Variants in FHIT observed in about 807,000 individuals in gnomAD.
The protein encoded by FHIT is fragile histidine triad diadenosine triphosphatase.
Under a neutral mutation model 17.9 loss-of-function variants are expected in FHIT, and 19 were observed. That is an observed-to-expected ratio of 1.06 (90% CI 0.74 to 1.56). The LOEUF (loss-of-function observed/expected upper bound fraction) is 1.56, where lower values mean the gene tolerates loss of function less well. Ranked by LOEUF, FHIT falls within the 40% of genes most tolerant of loss-of-function variation. The pLI is 0.00. For synonymous variants in FHIT, 81 were observed against 69.7 expected, an observed-to-expected ratio of 1.16 and a Z score of -0.81; for missense variants, 248 against 189.2, an observed-to-expected ratio of 1.31 and a Z score of -1.82.
intron 5 of FHIT, among the ~76,000 whole-genome samples, chr3:60,236,062 T>C (rs1243722563): frequency 1.3e-5 from 2 of 151,938 alleles, no homozygotes; most frequent in African/African-American, 4.8e-5. Flanking sequence ...TCAAGACCCA[T>C]GAGTTTGCTG....
intron 8 of FHIT, among the ~76,000 whole-genome samples, chr3:59,858,154 C>T (rs1084008): frequency 0.18 from 27,340 of 151,412 alleles, 2,555 homozygotes; most frequent in African/African-American, 0.21. Context: ...TGTGTGACTG[C>T]TGTGAAAGGT....
intron 4 of FHIT, chr3:60,732,080 G>T: frequency 1.7e-6 from 1 of 591,944 alleles, no homozygotes; most frequent in South Asian, 1.8e-5. Context: ...AAATGGGGTG[G>T]AGGGGTAGTC....
chr3:60,471,090 T>A (rs1180193909), intron 5 of FHIT, among the ~76,000 whole-genome samples: 1 of 152,186 alleles, frequency 6.6e-6, no homozygotes, highest in African/African-American at 2.4e-5. Flanking sequence ...AGTATCCAAG[T>A]TGCAAAACAA....
intron 3 of FHIT, among the ~76,000 whole-genome samples, chr3:61,013,153 G>T (rs947647475): frequency 8.6e-5 from 13 of 151,902 alleles, no homozygotes; most frequent in African/African-American, 2.4e-5. Context: ...GTCTTTCAAG[G>T]TTCAGGGAGC....
intron 5 of FHIT, among the ~76,000 whole-genome samples, chr3:60,086,906 C>A (rs1362133446): frequency 2.0e-5 from 3 of 152,194 alleles, no homozygotes; most frequent in African/African-American, 7.2e-5. Flanking sequence ...GGTAGCTCCA[C>A]TTCCATAGCT....
chr3:61,155,734 T>C (rs900734288), intron 2 of FHIT, among the ~76,000 whole-genome samples: 19 of 152,166 alleles, frequency 1.2e-4, no homozygotes, highest in Non-Finnish European at 2.1e-4. Flanking sequence ...TTTAAAAAAG[T>C]TTGCAGGTAG....
intron 2 of FHIT, among the ~76,000 whole-genome samples, chr3:61,196,974 AG>A (rs1227761848): frequency 1.3e-5 from 2 of 152,204 alleles, no homozygotes; most frequent in Non-Finnish European, 2.9e-5. Flanking sequence ...GATAGAGGTT[AG>A]GCCCATGGTG....
chr3:60,386,660 C>G (rs1701023318), intron 5 of FHIT, among the ~76,000 whole-genome samples: 1 of 152,166 alleles, frequency 6.6e-6, no homozygotes, highest in African/African-American at 2.4e-5. Flanking sequence ...GTATACACTA[C>G]TATAATCATA....
chr3:60,123,466 A>G (rs1465445215), intron 5 of FHIT, among the ~76,000 whole-genome samples: 1 of 152,172 alleles, frequency 6.6e-6, no homozygotes, highest in Non-Finnish European at 1.5e-5. Context: ...CTCAATAAAT[A>G]CAAACTTAGG....
At chr3:60,274,748 A>G (rs1386822371) in intron 5 of FHIT, among the ~76,000 whole-genome samples, 1 of 152,182 alleles carries the variant, frequency 6.6e-6, no homozygotes, top group Non-Finnish European at 1.5e-5. Context: ...ACTACAAAAC[A>G]CATCTTTAAG....
At chr3:60,817,201 C>A (rs116052864) in intron 4 of FHIT, among the ~76,000 whole-genome samples, 3,916 of 152,120 alleles carry the variant, frequency 0.026, 77 homozygotes, top group Middle Eastern at 0.058. Context: ...TACATCTGTA[C>A]ATATTACATT....
chr3:59,953,021 C>A (rs973876326), intron 7 of FHIT, among the ~76,000 whole-genome samples: 1 of 151,844 alleles, frequency 6.6e-6, no homozygotes, highest in Non-Finnish European at 1.5e-5. Flanking sequence ...TGTCTCTCCA[C>A]CCCCCGAAGT....
intron 5 of FHIT, among the ~76,000 whole-genome samples, chr3:60,426,830 C>T (rs1702686254): frequency 1.3e-5 from 2 of 152,102 alleles, no homozygotes; most frequent in Admixed American, 6.6e-5. Context: ...CTAGACAGTG[C>T]TCTCTACGAC....
chr3:59,923,390 C>T (rs1353968562), intron 7 of FHIT, among the ~76,000 whole-genome samples: 1 of 152,098 alleles, frequency 6.6e-6, no homozygotes, highest in Non-Finnish European at 1.5e-5. Context: ...GTTTCATTAG[C>T]ACATGCACTG....
chr3:60,570,888 C>G (rs2037354209), intron 4 of FHIT, among the ~76,000 whole-genome samples: 2 of 151,930 alleles, frequency 1.3e-5, no homozygotes, highest in Admixed American at 1.3e-4. Flanking sequence ...CCAAAGTTCC[C>G]AGAACACTTA....
At chr3:60,976,599 T>A (rs1296582327) in intron 3 of FHIT, among the ~76,000 whole-genome samples, 1 of 152,220 alleles carries the variant, frequency 6.6e-6, no homozygotes, top group Non-Finnish European at 1.5e-5. Context: ...CCTGGTGGTA[T>A]CAACTGTTGT....
chr3:61,082,083 C>CAA (rs111970275), intron 2 of FHIT, among the ~76,000 whole-genome samples: 71 of 142,688 alleles, frequency 5.0e-4, no homozygotes, highest in African/African-American at 1.6e-3. Context: ...ATAGATTCTC[C>CAA]AAAAAAAAAA....
intron 5 of FHIT, among the ~76,000 whole-genome samples, chr3:60,148,756 C>T (rs1262732251): frequency 1.3e-5 from 2 of 152,186 alleles, no homozygotes; most frequent in South Asian, 2.1e-4. Context: ...CCTGGGTTTA[C>T]ATCCTTTGCT....
At chr3:60,084,982 G>A (rs1703437256) in intron 5 of FHIT, among the ~76,000 whole-genome samples, 1 of 152,046 alleles carries the variant, frequency 6.6e-6, no homozygotes, top group Admixed American at 6.6e-5. Flanking sequence ...TCTATATGTT[G>A]GAGGCACTGT....
Sources: gnomAD v4.1 joint callset for allele counts (sites outside exome capture counted in the v4.1 genomes callset) on GRCh38, gnomAD v4.1.1 for gene constraint, MANE v1.5 for transcripts, NCBI Gene and HGNC (gene_info 2026-07-23, HGNC 2026-07-21) for gene names.